Variants in ADAM19 observed in about 807,000 individuals in gnomAD.
ADAM19 encodes ADAM metallopeptidase domain 19.
A neutral mutation model predicts 114.7 loss-of-function variants in ADAM19; 65 were observed. The observed-to-expected ratio is 0.57, with a 90% CI of 0.46 to 0.70. The LOEUF is 0.70. ADAM19 is among the 30% of genes least tolerant of loss of function. The pLI, the probability that ADAM19 is intolerant of heterozygous loss-of-function variation, is 0.00. For missense variants in ADAM19, 1,063 were observed against 1,204.7 expected, an observed-to-expected ratio of 0.88 and a Z score of 1.74; for synonymous variants, 466 against 460.5, an observed-to-expected ratio of 1.01 and a Z score of -0.15.
intron 7 of ADAM19, among the ~76,000 whole-genome samples, chr5:157,517,066 A>G (rs1427013158): frequency 6.6e-6 from 1 of 151,652 alleles, no homozygotes; most frequent in East Asian, 1.9e-4. Context: ...CTTCACCTCC[A>G]CTCCTCTGCC....
intron 3 of ADAM19, among the ~76,000 whole-genome samples, chr5:157,563,733 C>T (rs970109301): frequency 1.3e-5 from 2 of 152,154 alleles, no homozygotes; most frequent in Non-Finnish European, 1.5e-5. Context: ...AGCCATGCAT[C>T]GTGCCCATTC....
intron 10 of ADAM19, among the ~76,000 whole-genome samples, chr5:157,506,018 T>C (rs1755731437): frequency 6.6e-6 from 1 of 152,174 alleles, no homozygotes; most frequent in African/African-American, 2.4e-5. Flanking sequence ...GTTTCCTGAG[T>C]TCTCAAAGGT....
At chr5:157,514,260 T>C (rs940860593) in intron 7 of ADAM19, among the ~76,000 whole-genome samples, 5 of 151,926 alleles carry the variant, frequency 3.3e-5, no homozygotes, top group Non-Finnish European at 7.4e-5. Flanking sequence ...TCAGATCCAC[T>C]GGCAGTGCCT....
intron 2 of ADAM19, chr5:157,568,333 A>G (rs1581361805): frequency 6.6e-6 from 1 of 152,214 alleles, no homozygotes; most frequent in African/African-American, 2.4e-5. Context: ...CTATTCTGGA[A>G]GGTGCTCAGG....
intron 6 of ADAM19, among the ~76,000 whole-genome samples, chr5:157,519,135 A>G (rs535177176): frequency 2.6e-5 from 4 of 152,290 alleles, no homozygotes; most frequent in African/African-American, 9.6e-5. Flanking sequence ...AAATACTGAG[A>G]TGAGCTGATG....
intron 4 of ADAM19, among the ~76,000 whole-genome samples, chr5:157,532,838 G>T (rs1226795942): frequency 6.6e-6 from 1 of 152,164 alleles, no homozygotes; most frequent in Admixed American, 6.5e-5. Flanking sequence ...TTTTGGCATA[G>T]CCAGGCATAT....
chr5:157,575,090 G>A (rs903386144), intron 1 of ADAM19, among the ~76,000 whole-genome samples: 3 of 152,214 alleles, frequency 2.0e-5, no homozygotes, highest in Non-Finnish European at 4.4e-5. Context: ...CCCTAGCCAA[G>A]GCTACCACAG....
intron 3 of ADAM19, among the ~76,000 whole-genome samples, chr5:157,538,260 T>C (rs991981209): frequency 2.6e-5 from 4 of 152,196 alleles, no homozygotes; most frequent in Non-Finnish European, 4.4e-5. Flanking sequence ...GCAATGATCT[T>C]AATATTTGTC....
At chr5:157,484,046 CAT>C (rs1754849022) in intron 21 of ADAM19, among the ~76,000 whole-genome samples, 1 of 151,854 alleles carries the variant, frequency 6.6e-6, no homozygotes, top group African/African-American at 2.4e-5. Flanking sequence ...GTTGGTTGTC[CAT>C]GTGTGTGGCA....
intron 12 of ADAM19, among the ~76,000 whole-genome samples, chr5:157,501,095 C>A (rs922361976): frequency 3.9e-5 from 6 of 152,220 alleles, no homozygotes; most frequent in African/African-American, 1.4e-4. Context: ...ACCACAGACA[C>A]CTGTCCACCT....
At chr5:157,540,688 T>C (rs1363901934) in intron 3 of ADAM19, among the ~76,000 whole-genome samples, 4 of 152,198 alleles carry the variant, frequency 2.6e-5, no homozygotes, top group South Asian at 2.1e-4. Context: ...CGCAAACGAA[T>C]GAATGAACCT....
intron 3 of ADAM19, among the ~76,000 whole-genome samples, chr5:157,555,779 G>A (rs935213954): frequency 2.6e-5 from 4 of 152,112 alleles, no homozygotes; most frequent in Admixed American, 2.6e-4. Context: ...GAATGAAATC[G>A]GTATTATTGG....
chr5:157,572,058 C>T (rs1757842428), intron 1 of ADAM19, among the ~76,000 whole-genome samples: 2 of 152,142 alleles, frequency 1.3e-5, no homozygotes, highest in Non-Finnish European at 2.9e-5. Flanking sequence ...ATGCTCAAGG[C>T]AACCCTGGGA....
Position 157,490,580 on chromosome 5 carries a change from C to T in ADAM19, c.2096-126G>A, listed in dbSNP as rs1027744832. 13 of 1,193,590 alleles carry T rather than the reference C, an allele frequency of 1.1e-5. No homozygotes were observed. In the African/African-American group the frequency reaches 2.0e-4, roughly 18 times the overall value. The allele number at this position is 1,193,590 out of a possible 1,614,324, so 73.9% of individuals were successfully genotyped here. On this transcript the variant is annotated intron_variant, in intron 18 of 22. Transcript: ENST00000257527. ...ATTTAATTTGTATTACTTATTTTAA[C>T]TTACAAATTATAATTAAAAACACAC...
Position 157,494,701 on chromosome 5 carries a change from C to T in ADAM19, c.1689G>A (p.Arg563=). The part of the protein sequence containing the change: ...NCGKDMNGEH[R]KCNMRDAKCG... ...TTGGTCATCACCTCATGTTGCACTTCCTGTGTTCACCATTCATGTCCTTTC... is the reference window on the plus strand; with the variant it reads ...TTGGTCATCACCTCATGTTGCACTTTCTGTGTTCACCATTCATGTCCTTTC... The change falls in exon 15 of 23, where the codon AGG becomes AGA. Residue 563 remains arginine, a synonymous_variant. Coordinates refer to ENST00000257527, the MANE Select transcript of ADAM19 (RefSeq NM_033274.5). 1 of 1,613,416 alleles carries T rather than the reference C, an allele frequency of 6.2e-7. No individual in the cohort carries two copies. Among genetic ancestry groups the T allele is most frequent in the Non-Finnish European group, 8.5e-7 (1 of 1,179,500 alleles).
At chr5:157,570,789 G>T in intron 2 of ADAM19, 106 bp downstream of exon 2, 1 of 988,100 alleles carries the variant, frequency 1.0e-6, no homozygotes, top group Non-Finnish European at 1.5e-6. Context: ...GAGTGGGCCA[G>T]AAACAGAACT....
At chr5:157,497,359 T>C (rs562727123) in intron 13 of ADAM19, among the ~76,000 whole-genome samples, 62 of 152,304 alleles carry the variant, frequency 4.1e-4, no homozygotes, top group African/African-American at 1.4e-3. Flanking sequence ...TATACAACAA[T>C]TTACAGTTTC....
In ADAM19 at chr5:157,494,739, A is replaced by C. The variant is rs1437243016; in HGVS notation, c.1651T>G (p.Phe551Val). ...TTCATGTCCTTTCCACAGTTTCCAA[A>C]GGTGTCTCCTGCCACATTCACCTTC... ...FEKVNVAGDT[F>V]GNCGKDMNGE... Residue 551 changes from phenylalanine (F) to valine (V), a missense_variant, in exon 15 of 23, where the codon TTT (phenylalanine) becomes GTT (valine). By Grantham distance (50) the Phe-to-Val change is conservative. Transcript: ENST00000257527. 11 of 1,613,840 alleles carry C rather than the reference A, an allele frequency of 6.8e-6. No individual in the cohort carries two copies. Among genetic ancestry groups the C allele is most frequent in the Non-Finnish European group, 9.3e-6 (11 of 1,179,784 alleles).
At chr5:157,522,741 G>A (rs183325337) in intron 5 of ADAM19, among the ~76,000 whole-genome samples, 1,961 of 152,070 alleles carry the variant, frequency 0.013, 78 homozygotes, top group Admixed American at 0.069. Context: ...AGCTGAGATC[G>A]CACCACTGCA....
Sources: allele counts gnomAD v4.1 joint callset (sites outside exome capture counted in the v4.1 genomes callset), GRCh38; gene constraint gnomAD v4.1.1; transcripts MANE v1.5; gene names NCBI Gene and HGNC (gene_info 2026-07-23, HGNC 2026-07-21).